The following HDAC9 variants were observed in gnomAD, a reference collection of about 807,000 sequenced individuals.
The protein encoded by HDAC9 is MEF-2 interacting transcription repressor (MITR) protein.
A neutral mutation model predicts 139.4 loss-of-function variants in HDAC9; 41 were observed. That is an observed-to-expected ratio of 0.29 (90% CI 0.23 to 0.38). HDAC9 has a LOEUF of 0.38. Ranked by LOEUF, HDAC9 falls within the 10% of genes least tolerant of loss-of-function variation. The probability of loss-of-function intolerance (pLI) is 1.00; values close to 1 mark genes in which losing one functional copy is unlikely to be tolerated. For missense variants in HDAC9, 1,147 were observed against 1,297.0 expected (o/e 0.88, Z 1.78); for synonymous variants, 517 against 476.2 (o/e 1.09, Z -1.12).
At chr7:18,180,586 T>C (rs544709353) in intron 2 of HDAC9, among the ~76,000 whole-genome samples, 1 of 152,106 alleles carries the variant, frequency 6.6e-6, no homozygotes, top group East Asian at 1.9e-4. Context: ...GCAGAGTAAA[T>C]TGGAAAGAAT....
chr7:18,267,306 T>A (rs1215352133), intron 2 of HDAC9, among the ~76,000 whole-genome samples: 1 of 152,126 alleles, frequency 6.6e-6, no homozygotes, highest in Non-Finnish European at 1.5e-5. Flanking sequence ...CGAGAACACT[T>A]AGGAATATTT....
intron 24 of HDAC9, among the ~76,000 whole-genome samples, chr7:18,972,865 T>G (rs1371470621): frequency 6.6e-6 from 1 of 152,242 alleles, no homozygotes; most frequent in East Asian, 1.9e-4. Flanking sequence ...CTAGAAAATG[T>G]GTGTCAACTG....
At chr7:18,148,994 T>G (rs1020744125) in intron 1 of HDAC9, among the ~76,000 whole-genome samples, 1 of 152,224 alleles carries the variant, frequency 6.6e-6, no homozygotes, top group East Asian at 1.9e-4. Flanking sequence ...ATTGTCCACT[T>G]GACAGGATAG....
At chr7:18,365,493 A>G (rs373994921) in intron 1 of HDAC9, among the ~76,000 whole-genome samples, 1 of 152,130 alleles carries the variant, frequency 6.6e-6, no homozygotes, top group Non-Finnish European at 1.5e-5. Context: ...AAAGAACTAT[A>G]ACATGAAAGT....
intron 2 of HDAC9, among the ~76,000 whole-genome samples, chr7:18,530,963 C>G (rs1409721794): frequency 1.3e-5 from 2 of 151,860 alleles, no homozygotes; most frequent in Non-Finnish European, 2.9e-5. Context: ...CGTTTCAGTA[C>G]TCCAGCCCTG....
chr7:18,716,564 G>C (rs1231963935), intron 12 of HDAC9, among the ~76,000 whole-genome samples: 1 of 151,644 alleles, frequency 6.6e-6, no homozygotes, highest in Admixed American at 6.6e-5. Flanking sequence ...ATATATAAAT[G>C]CATAGTGCAA....
At chr7:18,693,444 G>C (rs1037989608) in intron 12 of HDAC9, among the ~76,000 whole-genome samples, 7 of 152,088 alleles carry the variant, frequency 4.6e-5, no homozygotes, top group Admixed American at 4.6e-4. Context: ...GACATATTTG[G>C]TGTGTTTGTT....
chr7:18,381,095 A>G (rs991177617), intron 1 of HDAC9, among the ~76,000 whole-genome samples: 6 of 149,470 alleles, frequency 4.0e-5, no homozygotes, highest in Admixed American at 1.4e-4. Context: ...ACTACTGGGG[A>G]GACCAAGGCA....
At chr7:18,795,285 A>T (rs1287985254) in intron 17 of HDAC9, among the ~76,000 whole-genome samples, 1 of 103,334 alleles carries the variant, frequency 9.7e-6, no homozygotes, top group Admixed American at 9.9e-5. Flanking sequence ...AAAAAAAAAA[A>T]GAAAAGCCAG....
intron 12 of HDAC9, among the ~76,000 whole-genome samples, chr7:18,669,403 T>C (rs1394548932): frequency 1.3e-5 from 2 of 151,836 alleles, no homozygotes; most frequent in Non-Finnish European, 2.9e-5. Flanking sequence ...GTAACAATTA[T>C]TATAATACCA....
intron 24 of HDAC9, among the ~76,000 whole-genome samples, chr7:18,960,418 C>G (rs1218449409): frequency 6.6e-6 from 1 of 152,054 alleles, no homozygotes; most frequent in Non-Finnish European, 1.5e-5. Context: ...TATTCGTCCT[C>G]CTCTTCCTAT....
At chr7:18,115,469 A>G (rs1026604407) in intron 1 of HDAC9, among the ~76,000 whole-genome samples, 1 of 152,250 alleles carries the variant, frequency 6.6e-6, no homozygotes, top group African/African-American at 2.4e-5. Flanking sequence ...TGTTATTTGC[A>G]AAATTACATT....
intron 2 of HDAC9, among the ~76,000 whole-genome samples, chr7:18,538,886 G>A (rs1811775911): frequency 1.3e-5 from 2 of 152,036 alleles, no homozygotes; most frequent in Admixed American, 1.3e-4. Context: ...AGGAGGATAG[G>A]GAGTTCAAGG....
chr7:18,756,367 T>C (rs919589992), intron 14 of HDAC9, among the ~76,000 whole-genome samples: 7 of 152,200 alleles, frequency 4.6e-5, no homozygotes, highest in Non-Finnish European at 8.8e-5. Flanking sequence ...TATTTTGAAG[T>C]TGTCACAGGA....
At chr7:18,543,576 A>G (rs965430521) in intron 2 of HDAC9, 1 of 152,086 alleles carries the variant, frequency 6.6e-6, no homozygotes, top group Non-Finnish European at 1.5e-5. Flanking sequence ...TCTGTTCATC[A>G]TATTTTCTGG....
At chr7:18,553,089 G>T (rs1400983978) in intron 2 of HDAC9, among the ~76,000 whole-genome samples, 1 of 152,132 alleles carries the variant, frequency 6.6e-6, no homozygotes, top group Non-Finnish European at 1.5e-5. Context: ...TTTGAGTACT[G>T]TGCGTGTGCA....
intron 11 of HDAC9, 102 bp from the exon 12 acceptor site, chr7:18,666,111 T>A (rs1248785374): frequency 1.1e-5 from 14 of 1,229,904 alleles, no homozygotes; most frequent in Non-Finnish European, 1.6e-5. Context: ...GTTCAATGAT[T>A]AGAAATCACA....
rs181446028 is a variant in HDAC9 at position 18,913,681 on chromosome 7, G to C, written c.2804-22128G>C. Among the ~76,000 whole-genome samples, 114 of 152,108 alleles carry C rather than the reference G, an allele frequency of 7.5e-4. 1 individual carries two copies. Among genetic ancestry groups the C allele is most frequent in the Non-Finnish European group, 5.0e-4 (34 of 67,978 alleles). On this transcript the variant is annotated intron_variant, in intron 22 of 25. Transcript: ENST00000686413. ...GTGGTTCAGTAGATGTGAAAATGCA[G>C]TTTCATTCTAGGCAGAAGAGAAGTT...
chr7:18,575,860 A>G (rs1195405117), intron 2 of HDAC9, among the ~76,000 whole-genome samples: 1 of 152,178 alleles, frequency 6.6e-6, no homozygotes, highest in Non-Finnish European at 1.5e-5. Flanking sequence ...CATTCACACC[A>G]CACATGCACT....
Sources: allele counts gnomAD v4.1 joint callset (sites outside exome capture counted in the v4.1 genomes callset), GRCh38; gene constraint gnomAD v4.1.1; transcripts MANE v1.5; gene names NCBI Gene and HGNC (gene_info 2026-07-23, HGNC 2026-07-21).